ATF1: variants seen among roughly 807,000 people sequenced by gnomAD.
ATF1 encodes activating transcription factor 1.
A neutral mutation model predicts 34.7 loss-of-function variants in ATF1; 16 were observed. That is an observed-to-expected ratio of 0.46 (90% CI 0.31 to 0.70). ATF1 has a LOEUF of 0.70. Among genes scored for constraint, ATF1 ranks in the 30% least tolerant of loss-of-function variants. ATF1 has a pLI of 0.05. For synonymous variants in ATF1, 105 were observed against 113.1 expected, an observed-to-expected ratio of 0.93 and a Z score of 0.46; for missense variants, 255 against 321.6, an observed-to-expected ratio of 0.79 and a Z score of 1.58.
At chr12:50,766,111 T>A (rs1940628085) in intron 1 of ATF1, among the ~76,000 whole-genome samples, 1 of 152,198 alleles carries the variant, frequency 6.6e-6, no homozygotes, top group Non-Finnish European at 1.5e-5. Flanking sequence ...ACAAAGGGAC[T>A]ATAGTGCAGA....
intron 3 of ATF1, among the ~76,000 whole-genome samples, chr12:50,798,755 G>A (rs933851234): frequency 2.6e-5 from 4 of 152,110 alleles, no homozygotes; most frequent in African/African-American, 9.7e-5. Flanking sequence ...AACGTGCAAG[G>A]ACATAAACCA....
rs751891910 is a variant in ATF1, at chr12:50,814,362, T to G, written c.594T>G (p.Ser198=). The G allele has an allele frequency of 2.5e-6, 4 of 1,614,074 alleles. No individual in the cohort carries two copies. In the East Asian group the frequency reaches 8.9e-5, roughly 36 times the overall value. The change falls in exon 6 of 7, where the codon TCT becomes TCG. Residue 198 remains serine, a synonymous_variant. Transcript: ENST00000262053. ...TSLPQTVVMT[S]PVTLTSQTTK... is the part of the protein sequence containing the mutation. Reference sequence around the variant, plus strand: ...TGCCACAAACTGTGGTGATGACATCTCCTGTGACTCTCACCTCTCAGACAA... The same window carrying G: ...TGCCACAAACTGTGGTGATGACATCGCCTGTGACTCTCACCTCTCAGACAA...
intron 4 of ATF1, among the ~76,000 whole-genome samples, 196 bp from the exon 5 acceptor site, chr12:50,813,813 CA>C (rs1366479761): frequency 2.6e-5 from 1 of 39,076 alleles, no homozygotes; most frequent in Non-Finnish European, 7.0e-5. Context: ...GACTCCATCT[CA>C]AAAAAGAAAA....
At chr12:50,803,785 G>A (rs1565914941) in intron 3 of ATF1, among the ~76,000 whole-genome samples, 1 of 152,204 alleles carries the variant, frequency 6.6e-6, no homozygotes, top group Non-Finnish European at 1.5e-5. Context: ...GCAATGAAGT[G>A]CTAATACATG....
chr12:50,811,286 A>G (rs1053062217), intron 4 of ATF1, among the ~76,000 whole-genome samples: 1 of 152,146 alleles, frequency 6.6e-6, no homozygotes, highest in African/African-American at 2.4e-5. Flanking sequence ...GTCAGTACAT[A>G]TTAGTTTAAT....
intron 4 of ATF1, 58 bp from the exon 5 acceptor site, chr12:50,813,952 C>A: frequency 6.6e-7 from 1 of 1,508,148 alleles, no homozygotes; most frequent in South Asian, 1.3e-5. Flanking sequence ...TTTTGCCACT[C>A]CTTTGAATTA....
intron 1 of ATF1, among the ~76,000 whole-genome samples, chr12:50,765,348 T>G (rs190406550): frequency 1.3e-5 from 2 of 152,336 alleles, no homozygotes; most frequent in South Asian, 4.1e-4. Flanking sequence ...GAATCAATAC[T>G]GTTGCCCTAA....
At position 50,820,681 on chromosome 12, in the gene ATF1, T is replaced by C. The variant is rs1414594404; in HGVS notation, c.*902T>C. ...ATACCAAAGTTTTTCCAAGAAGATT[T>C]TATAATCAATTTAATAATGTAAGGT... On this transcript the variant is annotated 3_prime_UTR_variant, in exon 7 of 7. Transcript: ENST00000262053. The C allele has an allele frequency of 5.6e-6, 1 of 178,374 alleles. No homozygotes were observed. Among genetic ancestry groups the C allele is most frequent in the Non-Finnish European group, 1.2e-5 (1 of 82,698 alleles). The allele number at this position is 178,374 out of a possible 1,614,324, so 11.0% of individuals were successfully genotyped here.
intron 6 of ATF1, among the ~76,000 whole-genome samples, chr12:50,815,876 C>G (rs1006211660): frequency 6.6e-6 from 1 of 152,182 alleles, no homozygotes; most frequent in Non-Finnish European, 1.5e-5. Context: ...ATGTGTCCAT[C>G]AGTGGATAAA....
chr12:50,779,487 C>A (rs1004817390), intron 1 of ATF1, among the ~76,000 whole-genome samples: 6 of 150,742 alleles, frequency 4.0e-5, no homozygotes, highest in African/African-American at 1.5e-4. Flanking sequence ...TTGTAGTTTT[C>A]AGTGCATTTC....
At chr12:50,788,311 T>G in intron 2 of ATF1, 1 of 436,096 alleles carries the variant, frequency 2.3e-6, no homozygotes, top group Non-Finnish European at 4.6e-6. Context: ...GCTCCCCAAG[T>G]AGCAGGGACC....
chr12:50,763,662 A>C (rs528672181), upstream of ATF1: 229 of 137,136 alleles, frequency 1.7e-3, no homozygotes, highest in African/African-American at 5.6e-3. Context: ...AAAAAAAAAA[A>C]GCTGAGGAAG....
chr12:50,765,459 A>C (rs139183468), intron 1 of ATF1, among the ~76,000 whole-genome samples: 2 of 152,322 alleles, frequency 1.3e-5, no homozygotes, highest in African/African-American at 2.4e-5. Flanking sequence ...AGCAGGTGGC[A>C]GTCCCTTCTG....
chr12:50,802,864 T>TC (rs1464447484), intron 3 of ATF1, among the ~76,000 whole-genome samples: 1 of 62,570 alleles, frequency 1.6e-5, no homozygotes, highest in East Asian at 4.3e-4. Context: ...AGAAGGAGAC[T>TC]CCATCTCAAA....
At chr12:50,768,227 A>C (rs1940687067) in intron 1 of ATF1, among the ~76,000 whole-genome samples, 2 of 152,132 alleles carry the variant, frequency 1.3e-5, no homozygotes, top group South Asian at 4.1e-4. Flanking sequence ...CTAGGAAGTA[A>C]GTCGTTTCTG....
At chr12:50,791,116 G>T (rs1941292612) in intron 2 of ATF1, among the ~76,000 whole-genome samples, 1 of 152,138 alleles carries the variant, frequency 6.6e-6, no homozygotes, top group East Asian at 1.9e-4. Flanking sequence ...GGCATTGTTT[G>T]TGCTACAAAT....
At chr12:50,789,229 C>T (rs1311911923) in intron 2 of ATF1, among the ~76,000 whole-genome samples, 7 of 151,958 alleles carry the variant, frequency 4.6e-5, no homozygotes, top group East Asian at 1.9e-4. Flanking sequence ...CACCATGCCC[C>T]GCTAATTTTT....
At chr12:50,780,020 C>A in intron 1 of ATF1, 120 bp from the exon 2 acceptor site, 1 of 629,920 alleles carries the variant, frequency 1.6e-6, no homozygotes, top group South Asian at 3.3e-5. Context: ...ATCTCTATAC[C>A]ATTGCTACCA....
At position 50,819,677 on chromosome 12, in the gene ATF1, G is replaced by A. The variant is rs762706313; in HGVS notation, c.714G>A (p.Val238=). ...RECRRKKKEY[V]KCLENRVAVL... ...GTCGCAGAAAGAAGAAAGAATATGT[G>A]AAATGCCTGGAAAACCGAGTTGCAG... The change falls in exon 7 of 7, where the codon GTG becomes GTA. Residue 238 remains valine (V), a synonymous_variant. Coordinates refer to ENST00000262053, the MANE Select transcript of ATF1 (RefSeq NM_005171.5). 2 of 1,612,924 alleles carry A rather than the reference G, an allele frequency of 1.2e-6. No homozygotes were observed. Among genetic ancestry groups the A allele is most frequent in the Non-Finnish European group, 1.7e-6 (2 of 1,179,612 alleles).
Sources: gnomAD v4.1 joint callset for allele counts (sites outside exome capture counted in the v4.1 genomes callset) on GRCh38, gnomAD v4.1.1 for gene constraint, MANE v1.5 for transcripts, NCBI Gene and HGNC (gene_info 2026-07-23, HGNC 2026-07-21) for gene names.